MAPKAP1: variants seen among roughly 807,000 people sequenced by gnomAD.
MAPKAP1 encodes target of rapamycin complex 2 subunit MAPKAP1.
A neutral mutation model predicts 65.7 loss-of-function variants in MAPKAP1; 20 were observed. That is an observed-to-expected ratio of 0.30 (90% CI 0.21 to 0.44). The LOEUF (loss-of-function observed/expected upper bound fraction) is 0.44, where lower values mean the gene tolerates loss of function less well. Among genes scored for constraint, MAPKAP1 ranks in the 20% least tolerant of loss-of-function variants. MAPKAP1 has a pLI of 1.00. For synonymous variants in MAPKAP1, 222 were observed against 244.3 expected (o/e 0.91, Z 0.85); for missense variants, 423 against 648.0 (o/e 0.65, Z 3.77).
In MAPKAP1 at chr9:125,694,840, A is replaced by C. The variant is rs1321771075; in HGVS notation, c.-70+12131T>G. Reference sequence around the variant, plus strand: ...CTGAAGACTCAATATATTTGTTCTGAAGTTATTAACCAAGCTTCAGTTTCT... The same window carrying C: ...CTGAAGACTCAATATATTTGTTCTGCAGTTATTAACCAAGCTTCAGTTTCT... On this transcript the variant is annotated intron_variant, in intron 1 of 11. Transcript: ENST00000265960. Among the ~76,000 whole-genome samples, 6 of 152,286 alleles carry C rather than the reference A, an allele frequency of 3.9e-5. No homozygotes were observed. In the South Asian group the frequency reaches 1.2e-3, roughly 32 times the overall value.
rs139004745 is a variant in MAPKAP1, at chr9:125,688,324, G to A, written c.-69-15681C>T. 3.0e-3 allele frequency among the ~76,000 whole-genome samples: 457 copies of A among 152,220 alleles called. 2 individuals are homozygous for A. The highest frequency in any genetic ancestry group is 4.1e-3 in the Admixed American group (63 of 15,286). On this transcript the variant is annotated intron_variant, in intron 1 of 11. Coordinates refer to ENST00000265960, the MANE Select transcript of MAPKAP1 (RefSeq NM_001006617.3). ...CTGCTAATTTTGTATTTTTAGTAGA[G>A]ACCGGGTTTCACCATGTTGGCCAAG...
At chr9:125,453,744 G>A (rs1485029017) in intron 10 of MAPKAP1, among the ~76,000 whole-genome samples, 1 of 152,140 alleles carries the variant, frequency 6.6e-6, no homozygotes, top group Non-Finnish European at 1.5e-5. Context: ...TTGGTTCACT[G>A]AGTTATGCAG....
At chr9:125,696,002 A>G (rs1334592632) in intron 1 of MAPKAP1, among the ~76,000 whole-genome samples, 3 of 152,142 alleles carry the variant, frequency 2.0e-5, no homozygotes, top group Admixed American at 2.0e-4. Context: ...TGTTGGGATT[A>G]CTGTGCCCAG....
At chr9:125,514,882 C>T (rs181213507) in intron 7 of MAPKAP1, among the ~76,000 whole-genome samples, 15 of 152,108 alleles carry the variant, frequency 9.9e-5, no homozygotes, top group Non-Finnish European at 1.3e-4. Flanking sequence ...AAAGCCACTA[C>T]GCTGATGCCG....
intron 5 of MAPKAP1, among the ~76,000 whole-genome samples, chr9:125,582,743 C>A (rs1040119853): frequency 2.0e-5 from 3 of 152,258 alleles, no homozygotes; most frequent in Middle Eastern, 3.2e-3. Flanking sequence ...CTTCTAGTTT[C>A]TGTCATTTCC....
chr9:125,461,554 G>C lies in MAPKAP1; in HGVS notation c.1345+6418C>G, dbSNP rs149253054. ...AAACCCCAGCAGACTTCCTTTGACA[G>C]GATAGATGAAGACCCCTTTTAATAG... On this transcript the variant is annotated intron_variant, in intron 10 of 11. Transcript: ENST00000265960. 6.1e-3 allele frequency among the ~76,000 whole-genome samples: 936 copies of C among 152,276 alleles called. 16 individuals carry two copies. The highest frequency in any genetic ancestry group is 0.022 in the African/African-American group (901 of 41,550).
In MAPKAP1 at chr9:125,697,656, G is replaced by A. The variant is rs74862366; in HGVS notation, c.-70+9315C>T. ...TGCTGCAGTGAACATCTTTGAACAC[G>A]AATATCTTTCGACATCTCTGATTTC... On this transcript the variant is annotated intron_variant, in intron 1 of 11. Transcript: ENST00000265960. Among the ~76,000 whole-genome samples the A allele has an allele frequency of 4.9e-3, 752 of 152,186 alleles. 4 individuals are homozygous for A. The highest frequency in any genetic ancestry group is 0.017 in the African/African-American group (706 of 41,526).
intron 10 of MAPKAP1, among the ~76,000 whole-genome samples, chr9:125,454,267 G>C (rs1015918797): frequency 1.4e-4 from 21 of 152,210 alleles, no homozygotes; most frequent in African/African-American, 5.1e-4. Flanking sequence ...CCAAGTATTG[G>C]TTGAGGTTTA....
chr9:125,580,404 G>C lies in MAPKAP1; in HGVS notation c.671+5151C>G, dbSNP rs545899663. On this transcript the variant is annotated intron_variant, in intron 5 of 11. Transcript: ENST00000265960. ...TTTTGTAGGGACATGGATAAAGCTG[G>C]AAACCATCATTCTGAGCAAACTATC... is the stretch of plus-strand genomic sequence containing the variant. Among the ~76,000 whole-genome samples, 43 of 152,116 alleles carry C rather than the reference G, an allele frequency of 2.8e-4. No homozygotes were observed. In the Middle Eastern group the frequency reaches 0.014, roughly 48 times the overall value.
intron 5 of MAPKAP1, among the ~76,000 whole-genome samples, chr9:125,577,298 A>G (rs1322020317): frequency 3.5e-5 from 5 of 144,218 alleles, no homozygotes; most frequent in African/African-American, 1.3e-4. Flanking sequence ...GTCCCGTCTG[A>G]GAAGTGAGGA....
chr9:125,686,226 G>A (rs892394381), intron 1 of MAPKAP1, among the ~76,000 whole-genome samples: 3 of 151,344 alleles, frequency 2.0e-5, no homozygotes, highest in Admixed American at 1.3e-4. Flanking sequence ...GCGGGAGAAC[G>A]GCATGAACCC....
chr9:125,704,121 C>G (rs992170870), intron 1 of MAPKAP1, among the ~76,000 whole-genome samples: 1 of 152,196 alleles, frequency 6.6e-6, no homozygotes, highest in Non-Finnish European at 1.5e-5. Flanking sequence ...CTCTCTGAAG[C>G]CTTTCCAGAG....
At chr9:125,676,960 A>G (rs1588064337) in intron 1 of MAPKAP1, among the ~76,000 whole-genome samples, 1 of 152,332 alleles carries the variant, frequency 6.6e-6, no homozygotes, top group Middle Eastern at 3.4e-3. Context: ...ATCTAGTAAC[A>G]ATATATCCCA....
intron 4 of MAPKAP1, among the ~76,000 whole-genome samples, chr9:125,605,994 T>TCA (rs1408573133): frequency 1.3e-5 from 2 of 152,200 alleles, no homozygotes; most frequent in African/African-American, 4.8e-5. Flanking sequence ...ACTGAGGAGA[T>TCA]CACTCTCTTT....
At chr9:125,446,952 A>C (rs535802168) in intron 10 of MAPKAP1, among the ~76,000 whole-genome samples, 1 of 152,142 alleles carries the variant, frequency 6.6e-6, no homozygotes, top group Non-Finnish European at 1.5e-5. Context: ...AAGGCCTAAG[A>C]GCCCCAGAAA....
At chr9:125,694,342 T>G (rs1835320441) in intron 1 of MAPKAP1, among the ~76,000 whole-genome samples, 1 of 151,202 alleles carries the variant, frequency 6.6e-6, no homozygotes, top group Non-Finnish European at 1.5e-5. Context: ...AAAAAAAAAG[T>G]TTTAAGAAAA....
chr9:125,697,889 TTCATA>T (rs113333862), intron 1 of MAPKAP1, among the ~76,000 whole-genome samples: 6,715 of 152,172 alleles, frequency 0.044, 423 homozygotes, highest in African/African-American at 0.14. Flanking sequence ...ATCCTTAAGC[TTCATA>T]TCATAACACT....
At chr9:125,497,596 T>C (rs976502699) in intron 8 of MAPKAP1, among the ~76,000 whole-genome samples, 1 of 152,228 alleles carries the variant, frequency 6.6e-6, no homozygotes, top group Admixed American at 6.5e-5. Context: ...CACCAAATCC[T>C]TGTGAAATAG....
chr9:125,649,512 G>C (rs753795524), intron 4 of MAPKAP1, among the ~76,000 whole-genome samples: 3 of 152,168 alleles, frequency 2.0e-5, no homozygotes, highest in Admixed American at 6.5e-5. Context: ...TGTCATCTGA[G>C]AGGAAGTGAC....
Sources: gnomAD v4.1 joint callset for allele counts (sites outside exome capture counted in the v4.1 genomes callset) on GRCh38, gnomAD v4.1.1 for gene constraint, MANE v1.5 for transcripts, NCBI Gene and HGNC (gene_info 2026-07-23, HGNC 2026-07-21) for gene names.